PLEKHB2: variants seen among roughly 807,000 people sequenced by gnomAD.
The protein encoded by PLEKHB2 is pleckstrin homology domain containing B2.
PLEKHB2 carries 31 observed loss-of-function variants against 36.5 expected under a neutral mutation model. The observed-to-expected ratio is 0.85, with a 90% CI of 0.64 to 1.15. PLEKHB2 has a LOEUF of 1.15. Among genes scored for constraint, PLEKHB2 ranks in the 50% most tolerant of loss-of-function variants. PLEKHB2 has a pLI of 0.00. For missense variants in PLEKHB2, 262 were observed against 295.3 expected (o/e 0.89, Z 0.83); for synonymous variants, 119 against 112.0 (o/e 1.06, Z -0.39).
chr2:131,133,264 TTGA>T (rs1026406167), intron 6 of PLEKHB2, among the ~76,000 whole-genome samples: 4 of 152,308 alleles, frequency 2.6e-5, no homozygotes, highest in African/African-American at 9.6e-5. Context: ...TAATGAGATT[TTGA>T]TGATCTGTAG....
intron 2 of PLEKHB2, 116 bp from the exon 3 acceptor site, chr2:131,125,637 C>G (rs564923543): frequency 3.6e-5 from 29 of 798,902 alleles, no homozygotes; most frequent in Non-Finnish European, 4.6e-5. Flanking sequence ...CCCAGGAGTT[C>G]AAGGCTGCAG....
intron 1 of PLEKHB2, among the ~76,000 whole-genome samples, chr2:131,117,447 A>C (rs1041187247): frequency 1.3e-5 from 2 of 152,066 alleles, no homozygotes; most frequent in African/African-American, 4.8e-5. Context: ...AATGTAAAGA[A>C]ATTGACCACA....
chr2:131,144,211 G>GCT (rs1699065180), intron 7 of PLEKHB2, among the ~76,000 whole-genome samples: 1 of 152,208 alleles, frequency 6.6e-6, no homozygotes, highest in South Asian at 2.1e-4. Flanking sequence ...GCTGGTTAAG[G>GCT]CTCTCTCTTC....
intron 7 of PLEKHB2, among the ~76,000 whole-genome samples, chr2:131,145,343 C>G (rs1253431412): frequency 6.6e-6 from 1 of 151,810 alleles, no homozygotes; most frequent in African/African-American, 2.4e-5. Flanking sequence ...TTTTTCTTTT[C>G]TTTTTTTGTG....
intron 6 of PLEKHB2, among the ~76,000 whole-genome samples, chr2:131,137,057 C>CT (rs1698333390): frequency 6.6e-6 from 1 of 150,806 alleles, no homozygotes; most frequent in Non-Finnish European, 1.5e-5. Context: ...CGCCATTCTT[C>CT]TGCCTCAGCC....
At position 131,130,717 on chromosome 2, in the gene PLEKHB2, C is replaced by T. The variant is rs375928824; in HGVS notation, c.294-4C>T. ...AAATAAAGTACCCTTTTTCTTTTCT[C>T]CAGGGCCTGGAAATTTACACTCCAA... On this transcript the variant is annotated splice_polypyrimidine_tract_variant and splice_region_variant and intron_variant, in intron 4 of 7. Coordinates refer to ENST00000693505, the MANE Select transcript of PLEKHB2 (RefSeq NM_001100623.2). 8 of 1,605,106 alleles carry T rather than the reference C, an allele frequency of 5.0e-6. No homozygotes were observed. The African/African-American group carries it at 1.1e-4, about 22-fold the overall frequency.
At chr2:131,114,130 T>G (rs1443420046) in intron 1 of PLEKHB2, among the ~76,000 whole-genome samples, 1 of 152,210 alleles carries the variant, frequency 6.6e-6, no homozygotes, top group Non-Finnish European at 1.5e-5. Context: ...GTTTTCTCCT[T>G]AACTCTCATT....
chr2:131,123,793 C>G (rs867899319), intron 2 of PLEKHB2, among the ~76,000 whole-genome samples: 1 of 118,558 alleles, frequency 8.4e-6, no homozygotes, highest in Non-Finnish European at 1.7e-5. Flanking sequence ...CCCCGCCCCC[C>G]GCCCTCGGCC....
At chr2:131,141,639 CAAAAAAAAAAAA>C (rs771541896) in intron 7 of PLEKHB2, among the ~76,000 whole-genome samples, 2 of 57,130 alleles carry the variant, frequency 3.5e-5, no homozygotes, top group Non-Finnish European at 8.7e-5. Context: ...GACTCCGTCT[CAAAAAAAAAAAA>C]AAAAAAAAAG....
chr2:131,134,106 A>G (rs996212472), intron 6 of PLEKHB2, among the ~76,000 whole-genome samples: 1 of 151,914 alleles, frequency 6.6e-6, no homozygotes, highest in African/African-American at 2.4e-5. Flanking sequence ...TCACTGTGTT[A>G]GCCAGGATGG....
intron 7 of PLEKHB2, 62 bp downstream of exon 7, chr2:131,140,337 C>A: frequency 1.2e-6 from 1 of 839,614 alleles, no homozygotes; most frequent in South Asian, 1.5e-5. Context: ...CCAGAGAGAC[C>A]TGTAAACGTT....
intron 2 of PLEKHB2, among the ~76,000 whole-genome samples, chr2:131,121,874 C>T (rs1696551289): frequency 6.6e-6 from 1 of 152,088 alleles, no homozygotes; most frequent in Non-Finnish European, 1.5e-5. Flanking sequence ...GAGGCTGTCA[C>T]TCCAGGTGGG....
At chr2:131,123,768 C>A (rs866891591) in intron 2 of PLEKHB2, among the ~76,000 whole-genome samples, 1 of 30,082 alleles carries the variant, frequency 3.3e-5, no homozygotes, top group Non-Finnish European at 6.5e-5. Context: ...CCTGGTCCAC[C>A]CCCCCCACCC....
intron 6 of PLEKHB2, among the ~76,000 whole-genome samples, chr2:131,133,281 A>G (rs1352571674): frequency 6.6e-6 from 1 of 152,224 alleles, no homozygotes; most frequent in Non-Finnish European, 1.5e-5. Flanking sequence ...TCTGTAGTTT[A>G]TATGGAATGA....
At chr2:131,141,572 G>A (rs772491460) in intron 7 of PLEKHB2, among the ~76,000 whole-genome samples, 6 of 151,150 alleles carry the variant, frequency 4.0e-5, no homozygotes, top group African/African-American at 7.3e-5. Context: ...CCCGGGAGGC[G>A]GAGCTTGCAG....
chr2:131,109,158 C>A (rs887376823), intron 1 of PLEKHB2, among the ~76,000 whole-genome samples: 2 of 152,030 alleles, frequency 1.3e-5, no homozygotes, highest in East Asian at 3.9e-4. Context: ...CATAGTGAAA[C>A]CTCGTCTCTA....
intron 7 of PLEKHB2, among the ~76,000 whole-genome samples, chr2:131,141,639 C>CAAAA (rs771541896): frequency 1.8e-4 from 10 of 57,112 alleles, no homozygotes; most frequent in East Asian, 5.9e-4. Context: ...GACTCCGTCT[C>CAAAA]AAAAAAAAAA....
chr2:131,106,159 T>A (rs1363381773), intron 1 of PLEKHB2, among the ~76,000 whole-genome samples: 3 of 152,126 alleles, frequency 2.0e-5, no homozygotes, highest in African/African-American at 7.2e-5. Flanking sequence ...CCACCCCGCT[T>A]AAATCTCAAA....
intron 6 of PLEKHB2, 47 bp from the exon 7 acceptor site, chr2:131,140,120 A>T (rs774641681): frequency 3.5e-6 from 4 of 1,141,162 alleles, no homozygotes; most frequent in Non-Finnish European, 5.2e-6. Context: ...TTAATACATT[A>T]CCAGAGGTTT....
Sources: gnomAD v4.1 joint callset for allele counts (sites outside exome capture counted in the v4.1 genomes callset) on GRCh38, gnomAD v4.1.1 for gene constraint, MANE v1.5 for transcripts, NCBI Gene and HGNC (gene_info 2026-07-23, HGNC 2026-07-21) for gene names.